The following NETO2 variants were observed in gnomAD, a reference collection of about 807,000 sequenced individuals.
NETO2 encodes neuropilin and tolloid-like protein 2.
In NETO2, 28 loss-of-function variants were observed where a neutral mutation model predicts 62.5. That is an observed-to-expected ratio of 0.45 (90% confidence interval 0.33 to 0.61). The LOEUF (loss-of-function observed/expected upper bound fraction) is 0.61. NETO2 is among the 20% of genes least tolerant of loss of function. NETO2 has a pLI of 0.02. For missense variants in NETO2, 548 were observed against 643.2 expected (o/e 0.85, Z 1.60); for synonymous variants, 214 against 219.1 (o/e 0.98, Z 0.21).
Position 47,084,480 on chromosome 16 carries a change from C to T in NETO2, c.998-679G>A, listed in dbSNP as rs530858733. Among the ~76,000 whole-genome samples, 250 of 152,316 alleles carry T rather than the reference C, an allele frequency of 1.6e-3. 2 individuals carry two copies. The highest frequency in any genetic ancestry group is 5.5e-3 in the African/African-American group (230 of 41,566). ...TGCTCCCCATCACTCGCATTACCCG[C>T]AGCACTGCCTCCTGTCAGATCAGCA... is the stretch of plus-strand genomic sequence containing the variant. On this transcript the variant is annotated intron_variant, in intron 8 of 8. Transcript: ENST00000562435.
chr16:47,083,135 A>G lies in NETO2; in HGVS notation c.*86T>C. 1.6e-6 allele frequency: 2 copies of G among 1,219,318 alleles called. No homozygotes were observed. Among genetic ancestry groups the G allele is most frequent in the Non-Finnish European group, 2.3e-6 (2 of 863,490 alleles). 75.5% of individuals were successfully genotyped at this position (1,219,318 alleles called of 1,614,324 possible). On this transcript the variant is annotated 3_prime_UTR_variant, in exon 9 of 9. Coordinates refer to ENST00000562435, the MANE Select transcript of NETO2 (RefSeq NM_018092.5). ...AGGTCTTCGTAGTTGTGATGGGAGA[A>G]AAGGGTTGGCTGCTGGAAACAGTAT...
intron 7 of NETO2, among the ~76,000 whole-genome samples, chr16:47,092,865 T>A (rs1431062744): frequency 2.0e-5 from 3 of 152,146 alleles, no homozygotes; most frequent in Non-Finnish European, 4.4e-5. Flanking sequence ...ACTTTCCCCA[T>A]CTTGTCTGTT....
intron 2 of NETO2, among the ~76,000 whole-genome samples, chr16:47,130,922 T>C (rs1277104869): frequency 6.6e-6 from 1 of 152,002 alleles, no homozygotes; most frequent in Non-Finnish European, 1.5e-5. Flanking sequence ...AGAGGTAAAG[T>C]TGAGGAAGTC....
rs1963278687 is a variant in NETO2 at position 47,089,974 on chromosome 16, A to C, written c.884-3635T>G. Among the ~76,000 whole-genome samples, 3 of 152,182 alleles carry C rather than the reference A, an allele frequency of 2.0e-5. No individual in the cohort carries two copies. In the South Asian group the frequency reaches 6.2e-4, roughly 32 times the overall value. On this transcript the variant is annotated intron_variant, in intron 7 of 8. Coordinates refer to ENST00000562435, the MANE Select transcript of NETO2 (RefSeq NM_018092.5). ...TACCTATTTTATCTAGTTCACAAAA[A>C]CGGGATGCAGGAAAGATAAGCCATT...
intron 7 of NETO2, among the ~76,000 whole-genome samples, chr16:47,104,815 G>A (rs1179721917): frequency 1.3e-5 from 2 of 152,114 alleles, no homozygotes; most frequent in Non-Finnish European, 2.9e-5. Context: ...TGCCTCCCAG[G>A]TTCAAGTGAC....
chr16:47,118,845 C>G (rs1211993008), intron 6 of NETO2, among the ~76,000 whole-genome samples: 1 of 152,132 alleles, frequency 6.6e-6, no homozygotes, highest in Non-Finnish European at 1.5e-5. Flanking sequence ...TAACCTTTAT[C>G]CTATTATCAA....
Position 47,083,277 on chromosome 16 carries a change from T to G in NETO2, c.1522A>C (p.Ile508Leu). The G allele has an allele frequency of 1.2e-6, 2 of 1,613,946 alleles. No individual in the cohort carries two copies. Among genetic ancestry groups the G allele is most frequent in the Non-Finnish European group, 1.7e-6 (2 of 1,179,860 alleles). ...DRVMEEIPCE[I>L]YVRGREDSAQ... is the part of the protein sequence containing the mutation. ...GAATCTTCTCGCCCCCTGACATAAATTTCACAGGGAATCTCCTCCATTACT... is the reference window on the plus strand; with the variant it reads ...GAATCTTCTCGCCCCCTGACATAAAGTTCACAGGGAATCTCCTCCATTACT... The change falls in exon 9 of 9, where the codon ATT (isoleucine) becomes CTT (leucine). Residue 508 changes from isoleucine (I) to leucine (L), a missense_variant. By Grantham distance (5) the Ile-to-Leu change is conservative. Transcript: ENST00000562435.
chr16:47,132,751 T>C (rs1964290626), intron 1 of NETO2, among the ~76,000 whole-genome samples: 2 of 152,216 alleles, frequency 1.3e-5, no homozygotes, highest in Non-Finnish European at 2.9e-5. Flanking sequence ...CTGGAGTTAT[T>C]CATTCAGTGA....
At chr16:47,129,711 T>C (rs1964227111) in intron 2 of NETO2, among the ~76,000 whole-genome samples, 1 of 152,190 alleles carries the variant, frequency 6.6e-6, no homozygotes, top group Non-Finnish European at 1.5e-5. Context: ...ATCTCTGATA[T>C]GGGGCCCTCA....
chr16:47,128,472 A>G lies in NETO2; in HGVS notation c.334T>C (p.Phe112Leu). The G allele has an allele frequency of 6.2e-7, 1 of 1,614,070 alleles. No individual in the cohort carries two copies. The change falls in exon 4 of 9, where the codon TTT becomes CTT. Residue 112 changes from phenylalanine (F) to leucine (L), a missense_variant. Coordinates refer to ENST00000562435, the MANE Select transcript of NETO2 (RefSeq NM_018092.5). Reference sequence around the variant, plus strand: ...CGATCTATAAGAGGAGAGAAACCAAATGGCCCATCTCGAACTTCCAAGTGA... The same window carrying G: ...CGATCTATAAGAGGAGAGAAACCAAGTGGCCCATCTCGAACTTCCAAGTGA... ...FDHLEVRDGP[F>L]GFSPLIDRYC...
At chr16:47,126,497 C>T (rs562725092) in intron 4 of NETO2, among the ~76,000 whole-genome samples, 156 of 152,218 alleles carry the variant, frequency 1.0e-3, no homozygotes, top group Non-Finnish European at 1.6e-3. Context: ...ACAGGCAGAG[C>T]ACGGGGCACT....
intron 1 of NETO2, among the ~76,000 whole-genome samples, chr16:47,138,793 A>T (rs1043979335): frequency 6.6e-6 from 1 of 152,068 alleles, no homozygotes; most frequent in African/African-American, 2.4e-5. Context: ...TGTGCCCCTT[A>T]CTCTGACTTC....
At chr16:47,112,054 C>A (rs1189001007) in intron 6 of NETO2, among the ~76,000 whole-genome samples, 1 of 151,898 alleles carries the variant, frequency 6.6e-6, no homozygotes, top group Admixed American at 6.6e-5. Flanking sequence ...ACATCGATGC[C>A]TTCTTTTGTA....
At chr16:47,101,215 C>T (rs1382574865) in intron 7 of NETO2, among the ~76,000 whole-genome samples, 1 of 152,086 alleles carries the variant, frequency 6.6e-6, no homozygotes, top group Non-Finnish European at 1.5e-5. Context: ...GCAGAAAAGG[C>T]CTTCTATAAA....
intron 1 of NETO2, among the ~76,000 whole-genome samples, chr16:47,136,337 C>T (rs953957753): frequency 6.6e-5 from 10 of 152,140 alleles, no homozygotes; most frequent in Non-Finnish European, 1.3e-4. Flanking sequence ...CCTTATTCTC[C>T]AGCACCTTAC....
intron 7 of NETO2, among the ~76,000 whole-genome samples, chr16:47,109,136 T>C (rs1430666238): frequency 6.6e-6 from 1 of 152,080 alleles, no homozygotes; most frequent in African/African-American, 2.4e-5. Flanking sequence ...GGGACCAAGA[T>C]ATAGTTGCTC....
intron 7 of NETO2, among the ~76,000 whole-genome samples, chr16:47,096,620 A>T (rs181304736): frequency 2.6e-5 from 4 of 152,332 alleles, no homozygotes; most frequent in African/African-American, 9.6e-5. Flanking sequence ...TAGGCCTAAA[A>T]CTAGCAAGGA....
Position 47,082,068 on chromosome 16 carries a change from G to C in NETO2, c.*1153C>G, listed in dbSNP as rs1300227821. Reference sequence around the variant, plus strand: ...TGTACAGTATCAAATAATATCAAAAGTCTAAAAAACACAATGAGCTTTTAT... The same window carrying C: ...TGTACAGTATCAAATAATATCAAAACTCTAAAAAACACAATGAGCTTTTAT... On this transcript the variant is annotated 3_prime_UTR_variant, in exon 9 of 9. Transcript: ENST00000562435. 6.6e-6 allele frequency: 1 copy of C among 152,442 alleles called. No homozygotes were observed. Among genetic ancestry groups the C allele is most frequent in the Non-Finnish European group, 1.5e-5 (1 of 68,006 alleles). The allele number at this position is 152,442 out of a possible 1,614,324, so 9.4% of individuals were successfully genotyped here.
chr16:47,108,968 G>A (rs963198461), intron 7 of NETO2, among the ~76,000 whole-genome samples: 8 of 152,152 alleles, frequency 5.3e-5, no homozygotes, highest in African/African-American at 1.4e-4. Context: ...TATTCACCAA[G>A]CTAAATTAAT....
Sources: allele counts gnomAD v4.1 joint callset (sites outside exome capture counted in the v4.1 genomes callset), GRCh38; gene constraint gnomAD v4.1.1; transcripts MANE v1.5; gene names NCBI Gene and HGNC (gene_info 2026-07-23, HGNC 2026-07-21).